Variants in SCAPER observed in about 807,000 individuals in gnomAD.
The protein encoded by SCAPER is S-phase cyclin A associated protein in the ER.
A neutral mutation model predicts 182.2 loss-of-function variants in SCAPER; 98 were observed. The observed-to-expected ratio is 0.54, with a 90% CI of 0.46 to 0.64. The LOEUF (loss-of-function observed/expected upper bound fraction) is 0.64. Among genes scored for constraint, SCAPER ranks in the 30% least tolerant of loss-of-function variants. SCAPER has a pLI of 0.00. For missense variants in SCAPER, 1,432 were observed against 1,690.0 expected (o/e 0.85, Z 2.68); for synonymous variants, 605 against 564.6 (o/e 1.07, Z -1.01).
At chr15:76,732,003 C>T (rs2060948199) in intron 16 of SCAPER, among the ~76,000 whole-genome samples, 1 of 152,098 alleles carries the variant, frequency 6.6e-6, no homozygotes, top group Admixed American at 6.6e-5. Flanking sequence ...TGTACTTCAC[C>T]TAGTTGAAGC....
chr15:76,586,106 C>A (rs1416831609), intron 22 of SCAPER, among the ~76,000 whole-genome samples: 2 of 152,146 alleles, frequency 1.3e-5, no homozygotes, highest in Admixed American at 1.3e-4. Context: ...AAGCTCAAGT[C>A]TGTCATTGGT....
chr15:76,587,798 A>T (rs554227910), intron 22 of SCAPER, among the ~76,000 whole-genome samples: 2 of 152,252 alleles, frequency 1.3e-5, no homozygotes, highest in Admixed American at 1.3e-4. Flanking sequence ...CCTTTGTTCT[A>T]GGATATAGTT....
At chr15:76,445,285 G>T (rs146013359) in intron 25 of SCAPER, among the ~76,000 whole-genome samples, 6 of 152,262 alleles carry the variant, frequency 3.9e-5, no homozygotes, top group Non-Finnish European at 8.8e-5. Flanking sequence ...ATTGCATGTT[G>T]AAGCATTTTT....
chr15:76,526,278 A>G (rs369979823), intron 23 of SCAPER, among the ~76,000 whole-genome samples: 33 of 152,258 alleles, frequency 2.2e-4, no homozygotes, highest in African/African-American at 7.9e-4. Flanking sequence ...ATTCTACATG[A>G]TAATTATGCA....
rs1244652279 is a variant in SCAPER at position 76,737,598 on chromosome 15, T to C, written c.1867-4214A>G. On this transcript the variant is annotated intron_variant, in intron 15 of 31. Coordinates refer to ENST00000563290, the MANE Select transcript of SCAPER (RefSeq NM_020843.4). Reference sequence around the variant, plus strand: ...GCTGCATTAGCTCCTAATAAGTGAGTCAGCCTTGACTTTGAAGATTTGAAG... The same window carrying C: ...GCTGCATTAGCTCCTAATAAGTGAGCCAGCCTTGACTTTGAAGATTTGAAG... Among the ~76,000 whole-genome samples the C allele has an allele frequency of 3.9e-5, 6 of 152,222 alleles. No homozygotes were observed. The East Asian group carries it at 1.2e-3, about 29-fold the overall frequency.
At chr15:76,471,169 C>A in intron 25 of SCAPER, 43 bp downstream of exon 25, 1 of 1,491,554 alleles carries the variant, frequency 6.7e-7, no homozygotes, top group South Asian at 1.4e-5. Context: ...GACTATTTCT[C>A]AAACCTTAAC....
At chr15:76,787,383 T>G (rs1289946809) in intron 8 of SCAPER, among the ~76,000 whole-genome samples, 1 of 152,170 alleles carries the variant, frequency 6.6e-6, no homozygotes, top group Admixed American at 6.5e-5. Context: ...AAAAGAATTT[T>G]TCTTTTATTT....
chr15:76,668,583 T>C (rs533252236), intron 20 of SCAPER, among the ~76,000 whole-genome samples: 2 of 152,376 alleles, frequency 1.3e-5, no homozygotes, highest in African/African-American at 4.8e-5. Context: ...CTCTTGGGTA[T>C]TTACGTGGTC....
chr15:76,621,794 T>G lies in SCAPER; in HGVS notation c.2681A>C (p.Asn894Thr). The change falls in exon 22 of 32, where the codon AAT becomes ACT. Residue 894 changes from asparagine (N) to threonine (T), a missense_variant. This residue lies in a region of SCAPER where 718 missense variants were observed against 799.7 expected (regional missense o/e 0.90). Transcript: ENST00000563290. ...TTTATAAGGTGAATCAGAGCCAGAATTTTTGGTTTCCATTAAACTCTCATA... is the reference window on the plus strand; with the variant it reads ...TTTATAAGGTGAATCAGAGCCAGAAGTTTTGGTTTCCATTAAACTCTCATA... ...KEYESLMETK[N>T]SGSDSPYKAK... 6.2e-7 allele frequency: 1 copy of G among 1,607,938 alleles called. No homozygotes were observed.
rs973282678 is a variant in SCAPER at position 76,770,799 on chromosome 15, T to C, written c.1248+943A>G. 2.0e-5 allele frequency among the ~76,000 whole-genome samples: 3 copies of C among 152,132 alleles called. No individual in the cohort carries two copies. The East Asian group carries it at 5.8e-4, about 29-fold the overall frequency. On this transcript the variant is annotated intron_variant, in intron 10 of 31. Coordinates refer to ENST00000563290, the MANE Select transcript of SCAPER (RefSeq NM_020843.4). ...CCCATACAATAAACTCACTACTTAT[T>C]TGAGCATAATTATGTTCAACATTTA...
chr15:76,605,277 T>C (rs1379261572), intron 22 of SCAPER, among the ~76,000 whole-genome samples: 1 of 152,174 alleles, frequency 6.6e-6, no homozygotes, highest in Non-Finnish European at 1.5e-5. Flanking sequence ...TCTATTGAGA[T>C]AATCATGTGG....
At chr15:76,749,131 T>G (rs2061958707) in intron 15 of SCAPER, among the ~76,000 whole-genome samples, 1 of 151,910 alleles carries the variant, frequency 6.6e-6, no homozygotes, top group Non-Finnish European at 1.5e-5. Flanking sequence ...GCAAATCAAA[T>G]TCACCAATAC....
At chr15:76,720,267 T>C (rs931658719) in intron 17 of SCAPER, among the ~76,000 whole-genome samples, 5 of 152,176 alleles carry the variant, frequency 3.3e-5, no homozygotes, top group African/African-American at 1.2e-4. Flanking sequence ...CTCATCATTT[T>C]TTATGGCTGC....
At chr15:76,440,289 A>C (rs1190389667) in intron 25 of SCAPER, among the ~76,000 whole-genome samples, 1 of 152,200 alleles carries the variant, frequency 6.6e-6, no homozygotes, top group East Asian at 1.9e-4. Context: ...GTTTTCAGCG[A>C]AGTTAAATTA....
intron 15 of SCAPER, among the ~76,000 whole-genome samples, chr15:76,747,925 C>G (rs1216517975): frequency 6.6e-6 from 1 of 151,824 alleles, no homozygotes; most frequent in African/African-American, 2.4e-5. Context: ...TGGGCTGAAA[C>G]AGACCAATGA....
chr15:76,540,759 TAAATGTAAAATACCG>T (rs2044670227), intron 23 of SCAPER, among the ~76,000 whole-genome samples: 1 of 152,038 alleles, frequency 6.6e-6, no homozygotes, highest in African/African-American at 2.4e-5. Context: ...CTTGTAAACC[TAAATGTAAAATACCG>T]GATTAGCCCA....
intron 14 of SCAPER, among the ~76,000 whole-genome samples, chr15:76,757,706 C>A (rs1222956021): frequency 2.0e-5 from 3 of 152,148 alleles, no homozygotes; most frequent in African/African-American, 7.2e-5. Context: ...AATGGTTATA[C>A]TAATTTACAT....
intron 5 of SCAPER, among the ~76,000 whole-genome samples, chr15:76,841,382 C>G (rs772354671): frequency 3.0e-4 from 46 of 152,260 alleles, no homozygotes; most frequent in Non-Finnish European, 6.0e-4. Flanking sequence ...CACAGTGGCT[C>G]ATGCCTATAA....
chr15:76,897,009 C>G (rs1236883954), intron 1 of SCAPER, among the ~76,000 whole-genome samples: 1 of 152,030 alleles, frequency 6.6e-6, no homozygotes, highest in African/African-American at 2.4e-5. Context: ...ATCCATATCC[C>G]AAGTCTGCCA....
Sources: allele counts gnomAD v4.1 joint callset (sites outside exome capture counted in the v4.1 genomes callset), GRCh38; gene constraint gnomAD v4.1.1; regional missense constraint gnomAD v4.1.1; transcripts MANE v1.5; gene names NCBI Gene and HGNC (gene_info 2026-07-23, HGNC 2026-07-21).